Variants in MST1R observed in about 807,000 individuals in gnomAD.
The protein encoded by MST1R is macrophage stimulating 1 receptor.
Under a neutral mutation model 117.8 loss-of-function variants are expected in MST1R, and 99 were observed. The observed-to-expected ratio is 0.84, with a 90% CI of 0.71 to 0.99. The LOEUF (loss-of-function observed/expected upper bound fraction) is 0.99, where lower values mean the gene tolerates loss of function less well. MST1R is among the 50% of genes least tolerant of loss of function. The pLI is 0.00. For missense variants in MST1R, 1,683 were observed against 1,840.2 expected, an observed-to-expected ratio of 0.91 and a Z score of 1.56; for synonymous variants, 734 against 765.3, an observed-to-expected ratio of 0.96 and a Z score of 0.68.
chr3:49,898,534 G>A lies in MST1R; in HGVS notation c.1703C>T (p.Pro568Leu), dbSNP rs1244120258. Reference protein sequence around the residue: ...CPGSWQQDHCPPKLTEFHPHS... With the variant: ...CPGSWQQDHCLPKLTEFHPHS... ...AAGCCATACCTCAGTAAGCTTAGGT[G>A]GGCAGTGGTCCTGTTGCCAGGAGCC... Residue 568 changes from proline (P) to leucine (L), a missense_variant, in exon 4 of 20, where the codon CCA becomes CTA. Transcript: ENST00000296474. 5 of 1,613,668 alleles carry A rather than the reference G, an allele frequency of 3.1e-6. No homozygotes were observed. Among genetic ancestry groups the A allele is most frequent in the Non-Finnish European group, 8.5e-7 (1 of 1,180,000 alleles).
chr3:49,897,528 A>G lies in MST1R; in HGVS notation c.2038T>C (p.Ser680Pro). The G allele has an allele frequency of 6.2e-7, 1 of 1,613,696 alleles. No individual in the cohort carries two copies. Among genetic ancestry groups the G allele is most frequent in the Non-Finnish European group, 8.5e-7 (1 of 1,179,776 alleles). Residue 680 changes from serine to proline, a missense_variant, in exon 6 of 20, where the codon TCT becomes CCT. Transcript: ENST00000296474. The stretch of plus-strand genomic sequence containing the variant: ...GGGCAAGGTAGCCTCACCATGAAAG[A>G]GAAGCCTCTCAGCACGGAGGTGCCG... ...VDGTSVLRGFSFMEPVLIAVQ... is the reference protein window; with the variant it reads ...VDGTSVLRGFPFMEPVLIAVQ...
Position 49,895,442 on chromosome 3 carries a change from C to G in MST1R, c.3064+5G>C. 6.2e-7 allele frequency: 1 copy of G among 1,614,196 alleles called. No individual in the cohort carries two copies. The highest frequency in any genetic ancestry group is 8.5e-7 in the Non-Finnish European group (1 of 1,180,028). ...CTTTAGCTTCTCATGCCTCCACTAT[C>G]TCACCAAGGCCACTTCTGTAGTCAG... On this transcript the variant is annotated splice_donor_5th_base_variant and intron_variant, in intron 13 of 19. Transcript: ENST00000296474.
chr3:49,900,003 T>G (rs1237931044), intron 1 of MST1R, among the ~76,000 whole-genome samples: 1 of 152,218 alleles, frequency 6.6e-6, no homozygotes, highest in Non-Finnish European at 1.5e-5. Context: ...TGCCCCCTGC[T>G]GGCTCTTCTC....
Position 49,903,430 on chromosome 3 carries a change from G to A in MST1R, c.180C>T (p.Thr60=). 6.2e-7 allele frequency: 1 copy of A among 1,613,840 alleles called. No homozygotes were observed. The highest frequency in any genetic ancestry group is 8.5e-7 in the Non-Finnish European group (1 of 1,180,018). Reference sequence around the variant, plus strand: ...CACTCTCATTTCTGTCGCCCTCGTAGGTCACCATGGCCTGTACCAGGCCTC... The same window carrying A: ...CACTCTCATTTCTGTCGCCCTCGTAAGTCACCATGGCCTGTACCAGGCCTC... The part of the protein sequence containing the change: ...SAGGLVQAMV[T]YEGDRNESAV... The change falls in exon 1 of 20, where the codon ACC becomes ACT. Residue 60 remains threonine, a synonymous_variant. Transcript: ENST00000296474.
intron 14 of MST1R, among the ~76,000 whole-genome samples, chr3:49,894,848 G>A (rs1219315016): frequency 1.3e-5 from 2 of 149,578 alleles, no homozygotes; most frequent in Non-Finnish European, 1.5e-5. Flanking sequence ...TCGCTCTGTC[G>A]CCCAGGCTGG....
chr3:49,896,940 G>T lies in MST1R; in HGVS notation c.2184-50C>A, dbSNP rs769617914. 9 of 1,449,716 alleles carry T rather than the reference G, an allele frequency of 6.2e-6. No homozygotes were observed. In the Admixed American group the frequency reaches 2.3e-4, roughly 37 times the overall value. The allele number at this position is 1,449,716 out of a possible 1,614,324, so 89.8% of individuals were successfully genotyped here. A position where few individuals can be genotyped will look rare whatever the true frequency, so the allele number is the denominator to read the frequency against. On this transcript the variant is annotated intron_variant, in intron 7 of 19. Coordinates refer to ENST00000296474, the MANE Select transcript of MST1R (RefSeq NM_002447.4). The stretch of plus-strand genomic sequence containing the variant: ...AAGGTTACCCTCTTTGTGATGGCCA[G>T]GCCCACTTCTTCCAGGGGCCTGTTG...
rs775818153 is a variant in MST1R, at chr3:49,890,566, C to A, written c.3729G>T (p.Gln1243His). Residue 1243 changes from glutamine to histidine, a missense_variant, in exon 18 of 20, where the codon CAG becomes CAT. Transcript: ENST00000296474. ...ILDREYYSVQ[Q>H]HRHARLPVKW... ...TCACAGGTAGGCGAGCGTGGCGATG[C>A]TGTTGAACACTATAGTACTCCCTGT... 4 of 1,614,178 alleles carry A rather than the reference C, an allele frequency of 2.5e-6. No individual in the cohort carries two copies. In the South Asian group the frequency reaches 4.4e-5, roughly 18 times the overall value.
At chr3:49,892,453 G>C (rs2082342776) in intron 14 of MST1R, among the ~76,000 whole-genome samples, 1 of 151,716 alleles carries the variant, frequency 6.6e-6, no homozygotes, top group East Asian at 2.0e-4. Flanking sequence ...CTTGAACCCG[G>C]GAGGCAGAGG....
chr3:49,901,332 G>C (rs1383629122), intron 1 of MST1R, among the ~76,000 whole-genome samples: 1 of 152,212 alleles, frequency 6.6e-6, no homozygotes, highest in East Asian at 1.9e-4. Context: ...GATAGCTAGA[G>C]AATCTAAGAA....
intron 7 of MST1R, 57 bp downstream of exon 7, chr3:49,897,223 C>T (rs1005544650): frequency 1.9e-5 from 29 of 1,541,382 alleles, no homozygotes; most frequent in Admixed American, 1.6e-4. Flanking sequence ...TGACAGAATC[C>T]GGGTCCCCAC....
Position 49,895,182 on chromosome 3 carries a change from G to A in MST1R, c.3256C>T (p.Arg1086Ter), listed in dbSNP as rs761194490. 34 of 1,613,836 alleles carry A rather than the reference G, an allele frequency of 2.1e-5. No individual in the cohort carries two copies. The highest frequency in any genetic ancestry group is 1.7e-4 in the Middle Eastern group (1 of 5,978). Residue 1086 changes from arginine (R) to a stop codon, truncating the protein, a stop_gained, in exon 14 of 20, where the codon CGA becomes TGA. Transcript: ENST00000296474. LOFTEE classifies it high-confidence loss of function. The part of the protein sequence containing the change: ...PHERVVTHSD[R>*]VIGKGHFGVV... ...GCCCCCACACCTTTGCCAATGACTC[G>A]GTCACTGTGGGTGACCACCCGCTCA...
In MST1R at chr3:49,891,282, T is replaced by C; in HGVS notation, c.3559A>G (p.Ser1187Gly). Residue 1187 changes from serine to glycine, a missense_variant, in exon 17 of 20, where the codon AGC becomes GGC. Coordinates refer to ENST00000296474, the MANE Select transcript of MST1R (RefSeq NM_002447.4). Reference sequence around the variant, plus strand: ...CCGCGGGCTACCTGCAGGCCAAAGCTGATGAGGTCCTTCACGGTGGGGTTC... The same window carrying C: ...CCGCGGGCTACCTGCAGGCCAAAGCCGATGAGGTCCTTCACGGTGGGGTTC... ...QRNPTVKDLI[S>G]FGLQVARGME... 1 of 1,614,136 alleles carries C rather than the reference T, an allele frequency of 6.2e-7. No individual in the cohort carries two copies. The highest frequency in any genetic ancestry group is 8.5e-7 in the Non-Finnish European group (1 of 1,180,026).
rs374311934 is a variant in MST1R at position 49,898,580 on chromosome 3, C to T, written c.1657G>A (p.Gly553Ser). 2.0e-5 allele frequency: 32 copies of T among 1,613,976 alleles called. No homozygotes were observed. Among genetic ancestry groups the T allele is most frequent in the African/African-American group, 8.0e-5 (6 of 74,926 alleles). ...MGCGWCGNMC[G>S]QQKECPGSWQ... Reference sequence around the variant, plus strand: ...GAGCCAGGACACTCCTTCTGCTGGCCGCACATGTTCCCACACCAGCCACAG... The same window carrying T: ...GAGCCAGGACACTCCTTCTGCTGGCTGCACATGTTCCCACACCAGCCACAG... The change falls in exon 4 of 20, where the codon GGC (glycine) becomes AGC (serine). Residue 553 changes from glycine (G) to serine (S), a missense_variant. Physicochemically the swap from Gly to Ser is moderately conservative, Grantham distance 56. Coordinates refer to ENST00000296474, the MANE Select transcript of MST1R (RefSeq NM_002447.4).
chr3:49,892,133 T>C (rs550130553), intron 14 of MST1R, among the ~76,000 whole-genome samples: 1 of 151,752 alleles, frequency 6.6e-6, no homozygotes, highest in African/African-American at 2.4e-5. Context: ...ACAGCTAATT[T>C]TTTTGTATTT....
Position 49,902,727 on chromosome 3 carries a change from C to G in MST1R, c.883G>C (p.Glu295Gln). 1 of 1,613,770 alleles carries G rather than the reference C, an allele frequency of 6.2e-7. No homozygotes were observed. The highest frequency in any genetic ancestry group is 8.5e-7 in the Non-Finnish European group (1 of 1,180,048). The change falls in exon 1 of 20, where the codon GAG (glutamate) becomes CAG (glutamine). Residue 295 changes from glutamate to glutamine, a missense_variant. Physicochemically the swap from Glu to Gln is conservative, Grantham distance 29. Transcript: ENST00000296474. ...GCAAATCTGCAGTCGAGGACCAGCT[C>G]CCGATAGTCACCCAACTCTGGCTCA... ...ATEPELGDYR[E>Q]LVLDCRFAPK... is the part of the protein sequence containing the mutation.
intron 14 of MST1R, among the ~76,000 whole-genome samples, chr3:49,893,122 T>C (rs1157042329): frequency 6.9e-6 from 1 of 145,956 alleles, no homozygotes; most frequent in Non-Finnish European, 1.5e-5. Context: ...CTACTAAAAA[T>C]ACAAAAATTA....
In MST1R at chr3:49,896,475, C is replaced by T. The variant is rs575886184; in HGVS notation, c.2439+65G>A. 73 of 1,606,306 alleles carry T rather than the reference C, an allele frequency of 4.5e-5. 1 individual carries two copies. In the Middle Eastern group the frequency reaches 1.7e-3, roughly 36 times the overall value. On this transcript the variant is annotated intron_variant, in intron 9 of 19. Coordinates refer to ENST00000296474, the MANE Select transcript of MST1R (RefSeq NM_002447.4). The stretch of plus-strand genomic sequence containing the variant: ...GATTGCTCCTCGCCTCAGCCCAGCA[C>T]GAGGTTGGGCTGCAGCTCAGGGAAC...
At position 49,902,829 on chromosome 3, in the gene MST1R, A is replaced by G; in HGVS notation, c.781T>C (p.Phe261Leu). Reference sequence around the variant, plus strand: ...ACGCTGGCCGGCTGTACAGTCAGGAAGTATACGAAGGCTCCCGTGTGGAAG... The same window carrying G: ...ACGCTGGCCGGCTGTACAGTCAGGAGGTATACGAAGGCTCCCGTGTGGAAG... ...HSFHTGAFVY[F>L]LTVQPASVTD... The change falls in exon 1 of 20, where the codon TTC becomes CTC. Residue 261 changes from phenylalanine (F) to leucine (L), a missense_variant. By Grantham distance (22) the Phe-to-Leu change is conservative (BLOSUM62 0). Coordinates refer to ENST00000296474, the MANE Select transcript of MST1R (RefSeq NM_002447.4). The G allele has an allele frequency of 6.2e-7, 1 of 1,613,760 alleles. No individual in the cohort carries two copies. Among genetic ancestry groups the G allele is most frequent in the Non-Finnish European group, 8.5e-7 (1 of 1,180,044 alleles).
intron 12 of MST1R, 80 bp downstream of exon 12, chr3:49,895,635 G>A (rs1199704428): frequency 3.7e-6 from 6 of 1,610,628 alleles, no homozygotes; most frequent in Non-Finnish European, 5.1e-6. Flanking sequence ...CTAAGTCCTG[G>A]GCAGAGAGAG....
Sources: gnomAD v4.1 joint callset for allele counts (sites outside exome capture counted in the v4.1 genomes callset) on GRCh38, gnomAD v4.1.1 for gene constraint, MANE v1.5 for transcripts, NCBI Gene and HGNC (gene_info 2026-07-23, HGNC 2026-07-21) for gene names.